Variants in UNC5C observed in about 807,000 individuals in gnomAD.
The protein encoded by UNC5C is unc-5 netrin receptor C.
A neutral mutation model predicts 99.8 loss-of-function variants in UNC5C; 47 were observed. The ratio of observed to expected loss-of-function variants is 0.47; its 90% CI spans 0.37 to 0.60. The LOEUF (loss-of-function observed/expected upper bound fraction) is 0.60, where lower values mean the gene tolerates loss of function less well. UNC5C is among the 20% of genes least tolerant of loss of function. UNC5C has a pLI of 0.00. For synonymous variants in UNC5C, 487 were observed against 452.2 expected (o/e 1.08, Z -0.98); for missense variants, 1,062 against 1,165.9 (o/e 0.91, Z 1.30).
chr4:95,360,055 G>A (rs1744340523), intron 1 of UNC5C, among the ~76,000 whole-genome samples: 1 of 152,048 alleles, frequency 6.6e-6, no homozygotes, highest in South Asian at 2.1e-4. Context: ...CATAGACTTA[G>A]AGAACCATCT....
chr4:95,214,941 G>A (rs1256530505), intron 10 of UNC5C, among the ~76,000 whole-genome samples: 2 of 152,142 alleles, frequency 1.3e-5, no homozygotes, highest in Non-Finnish European at 2.9e-5. Flanking sequence ...GTAAATACAA[G>A]CCTTTTAGTG....
chr4:95,239,019 T>C (rs921900348), intron 7 of UNC5C, among the ~76,000 whole-genome samples: 2 of 152,238 alleles, frequency 1.3e-5, no homozygotes, highest in African/African-American at 4.8e-5. Flanking sequence ...GATTGCTCTA[T>C]GAGTTCATGT....
At position 95,220,187 on chromosome 4, in the gene UNC5C, G is replaced by A. The variant is rs374685437; in HGVS notation, c.1109-11C>T. On this transcript the variant is annotated splice_polypyrimidine_tract_variant and intron_variant, in intron 7 of 15. Transcript: ENST00000453304. ...CTGAATCAGGAGCAGCTAGAGAGGA[G>A]AGTGAAACATTGAACCAGCTGCTTA... 13 of 1,607,190 alleles carry A rather than the reference G, an allele frequency of 8.1e-6. No homozygotes were observed. The African/African-American group carries it at 1.2e-4, about 15-fold the overall frequency.
intron 2 of UNC5C, among the ~76,000 whole-genome samples, chr4:95,326,051 T>G (rs934554742): frequency 6.6e-6 from 1 of 152,164 alleles, no homozygotes; most frequent in Admixed American, 6.5e-5. Flanking sequence ...ATCCTGGCTG[T>G]GTCACTTCCT....
rs372725444 is a variant in UNC5C at position 95,229,886 on chromosome 4, C to G, written c.1109-9710G>C. 3.5e-5 allele frequency among the ~76,000 whole-genome samples: 5 copies of G among 140,918 alleles called. No individual in the cohort carries two copies. The East Asian group carries it at 1.2e-3, about 33-fold the overall frequency. 92.4% of individuals were successfully genotyped at this position (140,918 alleles called of 152,430 possible). Reference sequence around the variant, plus strand: ...AGTGCAGTGGCACGATCTTGGCTCACTGCAACCTGCACCTCCTGGGTTCAA... The same window carrying G: ...AGTGCAGTGGCACGATCTTGGCTCAGTGCAACCTGCACCTCCTGGGTTCAA... On this transcript the variant is annotated intron_variant, in intron 7 of 15. Coordinates refer to ENST00000453304, the MANE Select transcript of UNC5C (RefSeq NM_003728.4).
chr4:95,263,415 GT>G (rs1740320232), intron 4 of UNC5C, among the ~76,000 whole-genome samples: 2 of 152,064 alleles, frequency 1.3e-5, no homozygotes, highest in Admixed American at 1.3e-4. Flanking sequence ...GAGGATAGTG[GT>G]TCTGTTACCA....
intron 1 of UNC5C, among the ~76,000 whole-genome samples, chr4:95,429,972 A>G (rs1746587343): frequency 6.6e-6 from 1 of 152,142 alleles, no homozygotes; most frequent in Non-Finnish European, 1.5e-5. Context: ...CTATGGAGAC[A>G]GTAAAAAGAT....
chr4:95,174,129 TC>T (rs1736237458), intron 14 of UNC5C, among the ~76,000 whole-genome samples: 1 of 151,348 alleles, frequency 6.6e-6, no homozygotes, highest in African/African-American at 2.4e-5. Context: ...GATTCTTCTC[TC>T]TTTTTTTCTT....
chr4:95,234,609 T>A (rs910011988), intron 7 of UNC5C, among the ~76,000 whole-genome samples: 1 of 152,158 alleles, frequency 6.6e-6, no homozygotes, highest in Non-Finnish European at 1.5e-5. Flanking sequence ...AATGTCCAAG[T>A]TATTTCTGGC....
At chr4:95,375,817 C>A (rs1246875206) in intron 1 of UNC5C, among the ~76,000 whole-genome samples, 1 of 152,160 alleles carries the variant, frequency 6.6e-6, no homozygotes, top group Non-Finnish European at 1.5e-5. Flanking sequence ...GTGGCTCACG[C>A]CTGTAATCCC....
intron 1 of UNC5C, among the ~76,000 whole-genome samples, chr4:95,475,365 A>G (rs1748110796): frequency 1.3e-5 from 2 of 151,922 alleles, no homozygotes. Flanking sequence ...AGTTGCTTCA[A>G]TTTCCCAATT....
intron 1 of UNC5C, among the ~76,000 whole-genome samples, chr4:95,507,941 C>T (rs1169198975): frequency 6.6e-6 from 1 of 151,994 alleles, no homozygotes; most frequent in Non-Finnish European, 1.5e-5. Flanking sequence ...TGTTTAGTAT[C>T]AATGTTACCT....
At chr4:95,354,469 AT>A (rs1560800876) in intron 1 of UNC5C, among the ~76,000 whole-genome samples, 112 of 61,306 alleles carry the variant, frequency 1.8e-3, no homozygotes, top group African/African-American at 0.013. Context: ...TAACTCTTCC[AT>A]ATATATATAT....
At chr4:95,491,682 GA>G (rs1431293215) in intron 1 of UNC5C, among the ~76,000 whole-genome samples, 3 of 151,530 alleles carry the variant, frequency 2.0e-5, no homozygotes, top group South Asian at 2.1e-4. Flanking sequence ...TGAAAATTAT[GA>G]AGCAATAGTA....
intron 12 of UNC5C, among the ~76,000 whole-genome samples, chr4:95,186,634 T>C (rs1005276436): frequency 2.0e-5 from 3 of 152,154 alleles, no homozygotes; most frequent in African/African-American, 7.2e-5. Flanking sequence ...TAAAAAAATA[T>C]TAGGATAATG....
intron 5 of UNC5C, among the ~76,000 whole-genome samples, chr4:95,246,500 C>CA: frequency 6.6e-6 from 1 of 152,034 alleles, no homozygotes; most frequent in Non-Finnish European, 1.5e-5. Flanking sequence ...GTAGAGGCTG[C>CA]AGTGAGCTAT....
At chr4:95,505,619 A>G (rs1457878094) in intron 1 of UNC5C, among the ~76,000 whole-genome samples, 2 of 152,106 alleles carry the variant, frequency 1.3e-5, no homozygotes, top group African/African-American at 2.4e-5. Flanking sequence ...TTCTTCCTCA[A>G]CACTTGTCAG....
chr4:95,174,475 T>G (rs1283365402), intron 14 of UNC5C, among the ~76,000 whole-genome samples: 1 of 152,214 alleles, frequency 6.6e-6, no homozygotes, highest in African/African-American at 2.4e-5. Flanking sequence ...AGAACATCTT[T>G]ATTTCTGCCT....
chr4:95,203,895 G>A (rs1193827084), intron 11 of UNC5C, among the ~76,000 whole-genome samples: 1 of 152,186 alleles, frequency 6.6e-6, no homozygotes, highest in Non-Finnish European at 1.5e-5. Flanking sequence ...AGTTGTTCCT[G>A]AGTCGTCATC....
Sources: allele counts gnomAD v4.1 joint callset (sites outside exome capture counted in the v4.1 genomes callset), GRCh38; gene constraint gnomAD v4.1.1; transcripts MANE v1.5; gene names NCBI Gene and HGNC (gene_info 2026-07-23, HGNC 2026-07-21).